The following ZNF273 variants were observed in gnomAD, a reference collection of about 807,000 sequenced individuals.
ZNF273 encodes zinc finger protein 273.
A neutral mutation model predicts 14.9 loss-of-function variants in ZNF273; 11 were observed. The observed-to-expected ratio is 0.74, with a 90% CI of 0.46 to 1.22. The LOEUF is 1.22. ZNF273 is among the 50% of genes most tolerant of loss of function. ZNF273 has a pLI of 0.00. For missense variants in ZNF273, 577 were observed against 660.6 expected (o/e 0.87, Z 1.39); for synonymous variants, 199 against 223.9 (o/e 0.89, Z 0.99).
chr7:64,894,218 T>C (rs986007852), downstream of ZNF273, among the ~76,000 whole-genome samples: 4 of 152,210 alleles, frequency 2.6e-5, no homozygotes, highest in African/African-American at 9.6e-5. Context: ...TTTGCCAGGC[T>C]GGTCTCACAC....
intron 1 of ZNF273, among the ~76,000 whole-genome samples, chr7:64,909,521 G>A (rs916068032): frequency 1.3e-5 from 2 of 152,080 alleles, no homozygotes; most frequent in African/African-American, 2.4e-5. Context: ...GAGCCACCGC[G>A]CCCAGCCATA....
At chr7:64,925,020 C>G (rs1484668490) in intron 3 of ZNF273, among the ~76,000 whole-genome samples, 1 of 152,034 alleles carries the variant, frequency 6.6e-6, no homozygotes, top group East Asian at 1.9e-4. Flanking sequence ...TCAGGCTGGT[C>G]TCAAACTCCT....
intron 1 of ZNF273, among the ~76,000 whole-genome samples, chr7:64,911,391 A>C (rs2129067386): frequency 6.6e-6 from 1 of 151,014 alleles, no homozygotes; most frequent in South Asian, 2.1e-4. Context: ...AGCCTCCCAA[A>C]TAGCTGGGAT....
At chr7:64,921,593 T>A (rs1794449557) in intron 3 of ZNF273, among the ~76,000 whole-genome samples, 1 of 145,744 alleles carries the variant, frequency 6.9e-6, no homozygotes. Context: ...CAATCTTTGC[T>A]TCATGCTAAT....
downstream of ZNF273, among the ~76,000 whole-genome samples, chr7:64,883,211 A>T (rs1013916344): frequency 2.1e-5 from 2 of 97,538 alleles, no homozygotes; most frequent in African/African-American, 7.6e-5. Context: ...AGCCCAAATC[A>T]CCACCCCCCC....
chr7:64,900,504 A>G (rs1236416348), upstream of ZNF273, among the ~76,000 whole-genome samples: 1 of 152,212 alleles, frequency 6.6e-6, no homozygotes, highest in African/African-American at 2.4e-5. Context: ...AGCAGCAAAC[A>G]TGGATAAGCA....
intron 1 of ZNF273, among the ~76,000 whole-genome samples, chr7:64,912,841 T>TTTTTTTTTTTTTTTTTTG (rs1793659077): frequency 8.2e-6 from 1 of 121,444 alleles, no homozygotes; most frequent in Non-Finnish European, 1.8e-5. Context: ...TTTTTTTTTT[T>TTTTTTTTTTTTTTTTTTG]TTTTTGAGAT....
At chr7:64,888,242 G>A in intron 1 of ZNF273, 4 of 963,252 alleles carry the variant, frequency 4.2e-6, no homozygotes, top group Non-Finnish European at 4.9e-6. Context: ...TCCAGCCAGA[G>A]GAGGGCGCTC....
At chr7:64,921,283 C>T (rs746795043) in intron 3 of ZNF273, among the ~76,000 whole-genome samples, 30 of 152,140 alleles carry the variant, frequency 2.0e-4, no homozygotes, top group Middle Eastern at 3.4e-3. Context: ...AGGCTGGTCT[C>T]GAACTCCTGA....
intron 1 of ZNF273, 122 bp from the exon 2 acceptor site, chr7:64,917,459 T>C: frequency 7.1e-7 from 1 of 1,406,144 alleles, no homozygotes; most frequent in South Asian, 1.3e-5. Flanking sequence ...TATTGGATAA[T>C]TTTAGTCACT....
upstream of ZNF273, among the ~76,000 whole-genome samples, chr7:64,901,780 G>T (rs562346624): frequency 2.7e-5 from 4 of 150,908 alleles, no homozygotes; most frequent in Non-Finnish European, 4.4e-5. Flanking sequence ...GAGAAAGGCC[G>T]TCTCTACTAA....
intron 1 of ZNF273, among the ~76,000 whole-genome samples, chr7:64,908,731 AT>A (rs1445984330): frequency 6.6e-6 from 1 of 152,118 alleles, no homozygotes; most frequent in Non-Finnish European, 1.5e-5. Flanking sequence ...GCCATGTGTT[AT>A]TATTTAGCAC....
chr7:64,933,261 C>T (rs1254523860), downstream of ZNF273: 5 of 152,282 alleles, frequency 3.3e-5, no homozygotes, highest in Non-Finnish European at 7.3e-5. Context: ...GCGTGAACCA[C>T]TGCGCCCGGT....
chr7:64,879,454 GA>G (rs1791194076), exon 3 of ZNF273: 1 of 152,220 alleles, frequency 6.6e-6, no homozygotes, highest in South Asian at 2.1e-4. Flanking sequence ...TTTCAGGCTT[GA>G]AATCGCCCTT....
chr7:64,913,306 G>A (rs113459638), intron 1 of ZNF273, among the ~76,000 whole-genome samples: 2,252 of 152,310 alleles, frequency 0.015, 24 homozygotes, highest in Non-Finnish European at 0.021. Flanking sequence ...ATCAGTGACA[G>A]AGAAACAGAA....
chr7:64,926,742 A>G (rs1341739554), intron 3 of ZNF273, among the ~76,000 whole-genome samples: 4 of 152,170 alleles, frequency 2.6e-5, no homozygotes, highest in African/African-American at 9.7e-5. Context: ...TCTGAAACCA[A>G]CTGTCTTGGC....
chr7:64,903,160 T>C (rs1583979909), upstream of ZNF273: 1 of 578,234 alleles, frequency 1.7e-6, no homozygotes, highest in Non-Finnish European at 3.1e-6. Flanking sequence ...ATTCAGGGCC[T>C]GAGGGGGCGG....
chr7:64,899,761 G>GT (rs370557127), upstream of ZNF273, among the ~76,000 whole-genome samples: 13,143 of 144,716 alleles, frequency 0.091, 726 homozygotes, highest in South Asian at 0.18. Flanking sequence ...TAATTTCAAG[G>GT]TTTTTTTTTT....
chr7:64,889,545 T>C (rs1344333686), downstream of ZNF273: 10 of 985,592 alleles, frequency 1.0e-5, no homozygotes, highest in Non-Finnish European at 1.2e-5. This position sits in a 1 kb window ranked among gnomAD's most constrained non-coding sequence, Gnocchi z 4.2. Context: ...CGCGGTCCTC[T>C]ACGGTCTCCT....
Sources: allele counts gnomAD v4.1 joint callset (sites outside exome capture counted in the v4.1 genomes callset), GRCh38; gene constraint gnomAD v4.1.1; non-coding constraint Gnocchi (gnomAD v3.1); transcripts MANE v1.5; gene names NCBI Gene and HGNC (gene_info 2026-07-23, HGNC 2026-07-21).